Variants in OSBP observed in about 807,000 individuals in gnomAD.
OSBP encodes the protein oxysterol-binding protein 1.
Under a neutral mutation model 96.6 loss-of-function variants are expected in OSBP, and 32 were observed. The observed-to-expected ratio is 0.33, with a 90% CI of 0.25 to 0.45. OSBP has a LOEUF of 0.45. Ranked by LOEUF, OSBP falls within the 20% of genes least tolerant of loss-of-function variation. The pLI is 1.00. For missense variants in OSBP, 653 were observed against 1,029.7 expected, an observed-to-expected ratio of 0.63 and a Z score of 5.01; for synonymous variants, 369 against 389.6, an observed-to-expected ratio of 0.95 and a Z score of 0.62.
Position 59,601,791 on chromosome 11 carries a change from C to T in OSBP, c.870G>A (p.Trp290Ter). 6.2e-7 allele frequency: 1 copy of T among 1,614,146 alleles called. No individual in the cohort carries two copies. Among genetic ancestry groups the T allele is most frequent in the Non-Finnish European group, 8.5e-7 (1 of 1,180,020 alleles). ...CTCTTTCATACTGTAGTGACTTTTG[C>T]CATTTTTTACTATGGGTCTGGGCTA... ...LMLAQTHSKK[W>*]QKSLQYERDQ... is the part of the protein sequence containing the mutation. The change falls in exon 4 of 14, where the codon TGG becomes TGA. Residue 290 changes from tryptophan to a stop codon, truncating the protein, a stop_gained. Coordinates refer to ENST00000263847, the MANE Select transcript of OSBP (RefSeq NM_002556.3). LOFTEE classifies it high-confidence loss of function.
chr11:59,593,504 G>C, intron 9 of OSBP, 100 bp downstream of exon 9: 1 of 1,348,636 alleles, frequency 7.4e-7, no homozygotes, highest in Non-Finnish European at 1.1e-6. Context: ...GCTCGAATCA[G>C]ACCTCCTGTC....
intron 9 of OSBP, among the ~76,000 whole-genome samples, chr11:59,587,776 A>T (rs1860519459): frequency 1.3e-5 from 2 of 152,216 alleles, no homozygotes; most frequent in Admixed American, 1.3e-4. Flanking sequence ...TGCTCAAAAA[A>T]CTAAGAATAT....
At chr11:59,578,581 C>G (rs1346579634) in intron 11 of OSBP, among the ~76,000 whole-genome samples, 1 of 152,156 alleles carries the variant, frequency 6.6e-6, no homozygotes, top group Admixed American at 6.5e-5. Context: ...ACTTGAGTAG[C>G]TAGAACTACA....
chr11:59,610,324 C>A, intron 2 of OSBP, 57 bp downstream of exon 2: 1 of 1,421,880 alleles, frequency 7.0e-7, no homozygotes, highest in Non-Finnish European at 9.9e-7. Context: ...CAAACAAAAT[C>A]TGTGCATAAA....
In OSBP at chr11:59,574,665, A is replaced by G. The variant is rs1488715034; in HGVS notation, c.*1912T>C. 4.6e-5 allele frequency: 7 copies of G among 152,592 alleles called. No homozygotes were observed. The highest frequency in any genetic ancestry group is 4.6e-4 in the Admixed American group (7 of 15,276). 9.5% of individuals were successfully genotyped at this position (152,592 alleles called of 1,614,324 possible). ...TCTATCCAAAGCCCCGGATGAGGTC[A>G]CTGCTTTTATGAGCCTCCTTGAAAG... On this transcript the variant is annotated 3_prime_UTR_variant, in exon 14 of 14. Coordinates refer to ENST00000263847, the MANE Select transcript of OSBP (RefSeq NM_002556.3).
chr11:59,615,423 C>G lies in OSBP; in HGVS notation c.242G>C (p.Gly81Ala). 6.6e-7 allele frequency: 1 copy of G among 1,508,264 alleles called. No homozygotes were observed. Among genetic ancestry groups the G allele is most frequent in the Non-Finnish European group, 8.9e-7 (1 of 1,123,026 alleles). The allele number at this position is 1,508,264 out of a possible 1,614,324, so 93.4% of individuals were successfully genotyped here. A position where few individuals can be genotyped will look rare whatever the true frequency, so the allele number is the denominator to read the frequency against. Residue 81 changes from glycine to alanine, a missense_variant, in exon 1 of 14, where the codon GGC becomes GCC. This residue lies in a region of OSBP where 151 missense variants were observed against 146.1 expected (regional missense o/e 1.03). Coordinates refer to ENST00000263847, the MANE Select transcript of OSBP (RefSeq NM_002556.3). ...APAPPTGGSG[G>A]SGAGGSGSAR... ...CGAGCCCGAACCCCCAGCGCCCGAG[C>G]CGCCCGAGCCCCCAGTCGGCGGCGC... is the stretch of plus-strand genomic sequence containing the variant.
Position 59,594,048 on chromosome 11 carries a change from G to A in OSBP, c.1519C>T (p.Arg507Ter), listed in dbSNP as rs1565117343. The A allele has an allele frequency of 6.2e-7, 1 of 1,613,958 alleles. No homozygotes were observed. The highest frequency in any genetic ancestry group is 8.5e-7 in the Non-Finnish European group (1 of 1,179,974). ...GATCGGTACCCATTCTCCTCTAATC[G>A]GTCCAGCTCAAAGGTCTCCCCAAGC... The part of the protein sequence containing the change: ...PLLGETFELD[R>*]LEENGYRSLC... Residue 507 changes from arginine to a stop codon, truncating the protein, a stop_gained, in exon 8 of 14, where the codon CGA becomes TGA. Transcript: ENST00000263847. LOFTEE classifies it high-confidence loss of function.
At chr11:59,585,502 G>A (rs1421807105) in intron 9 of OSBP, among the ~76,000 whole-genome samples, 6 of 151,834 alleles carry the variant, frequency 4.0e-5, no homozygotes, top group Non-Finnish European at 8.8e-5. Flanking sequence ...GGGAAGTGAG[G>A]AGCCTCTCCG....
At chr11:59,588,087 C>T (rs1410817988) in intron 9 of OSBP, among the ~76,000 whole-genome samples, 3 of 152,284 alleles carry the variant, frequency 2.0e-5, no homozygotes, top group South Asian at 2.1e-4. Flanking sequence ...TGCTACAACA[C>T]GGATGAACCT....
intron 9 of OSBP, among the ~76,000 whole-genome samples, chr11:59,587,540 G>A (rs963770823): frequency 2.6e-5 from 4 of 151,966 alleles, no homozygotes; most frequent in African/African-American, 7.2e-5. Context: ...ACTTGAATAG[G>A]TATTCCTCCA....
At chr11:59,608,813 C>T in intron 2 of OSBP, 79 bp from the exon 3 acceptor site, 1 of 1,390,458 alleles carries the variant, frequency 7.2e-7, no homozygotes, top group Non-Finnish European at 1.0e-6. Flanking sequence ...TGTCCAGAAA[C>T]AAACCAACAT....
intron 3 of OSBP, among the ~76,000 whole-genome samples, chr11:59,602,317 TTTGG>T (rs1160819127): frequency 6.6e-6 from 1 of 152,174 alleles, no homozygotes; most frequent in East Asian, 1.9e-4. Flanking sequence ...GGGAAACTCA[TTTGG>T]TTTTTATTTT....
intron 9 of OSBP, among the ~76,000 whole-genome samples, chr11:59,592,530 G>A (rs7103832): frequency 0.024 from 3,583 of 152,286 alleles, 142 homozygotes; most frequent in African/African-American, 0.083. Context: ...GGTAAGCTCT[G>A]TCTCTTGGGA....
At chr11:59,601,928 G>A (rs7106463) in intron 3 of OSBP, 90 bp from the exon 4 acceptor site, 1 of 1,202,692 alleles carries the variant, frequency 8.3e-7, no homozygotes, top group East Asian at 2.4e-5. Context: ...CTTATTCTGG[G>A]AACTTTTAAC....
intron 1 of OSBP, among the ~76,000 whole-genome samples, chr11:59,614,786 G>A (rs1274046084): frequency 6.6e-6 from 1 of 152,234 alleles, no homozygotes; most frequent in Admixed American, 6.5e-5. Context: ...CCCTGTGTGT[G>A]TGATGCCCTT....
At chr11:59,581,223 A>G (rs1860416597) in intron 10 of OSBP, among the ~76,000 whole-genome samples, 1 of 152,234 alleles carries the variant, frequency 6.6e-6, no homozygotes. Context: ...TCCTAGCAGA[A>G]TAGTCATTGA....
chr11:59,580,235 C>G lies in OSBP; in HGVS notation c.1817G>C (p.Gly606Ala). 6.2e-7 allele frequency: 1 copy of G among 1,613,236 alleles called. No individual in the cohort carries two copies. The highest frequency in any genetic ancestry group is 2.2e-5 in the East Asian group (1 of 44,854). ...AACAAATTTAAGATTACACTTGTCT[C>G]CTGTCTTGTGATTCACAATATCAAT... The part of the protein sequence containing the change: ...GEIDIVNHKT[G>A]DKCNLKFVPY... Residue 606 changes from glycine to alanine, a missense_variant, in exon 11 of 14, where the codon GGA becomes GCA. Gly to Ala is a moderately conservative substitution (Grantham distance 60, BLOSUM62 0). Around this residue, in one of 6 missense-constraint regions of OSBP, gnomAD observed 169 missense variants for 251.5 expected, o/e 0.67. Transcript: ENST00000263847.
At chr11:59,602,429 C>T (rs1035891936) in intron 3 of OSBP, among the ~76,000 whole-genome samples, 2 of 152,126 alleles carry the variant, frequency 1.3e-5, no homozygotes, top group African/African-American at 4.8e-5. Flanking sequence ...CTTGAAAAAT[C>T]AAAGAAGAGG....
chr11:59,602,384 G>C (rs1234685720), intron 3 of OSBP, among the ~76,000 whole-genome samples: 1 of 152,226 alleles, frequency 6.6e-6, no homozygotes, highest in African/African-American at 2.4e-5. Context: ...CAGTGTGCAG[G>C]AAGAAGGTTT....
Sources: allele counts gnomAD v4.1 joint callset (sites outside exome capture counted in the v4.1 genomes callset), GRCh38; gene constraint gnomAD v4.1.1; regional missense constraint gnomAD v4.1.1; transcripts MANE v1.5; gene names NCBI Gene and HGNC (gene_info 2026-07-23, HGNC 2026-07-21).